Variants in FOXJ3 observed in about 807,000 individuals in gnomAD.
The protein encoded by FOXJ3 is forkhead box protein J3.
FOXJ3 carries 22 observed loss-of-function variants against 76.1 expected under a neutral mutation model. That is an observed-to-expected ratio of 0.29 (90% CI 0.21 to 0.41). FOXJ3 has a LOEUF of 0.41. Among genes scored for constraint, FOXJ3 ranks in the 10% least tolerant of loss-of-function variants. FOXJ3 has a pLI of 1.00. For missense variants in FOXJ3, 613 were observed against 762.1 expected, an observed-to-expected ratio of 0.80 and a Z score of 2.30; for synonymous variants, 269 against 261.2, an observed-to-expected ratio of 1.03 and a Z score of -0.29.
rs971957986 is a variant in FOXJ3, at chr1:42,300,879, T to C, written c.44+10171A>G. On this transcript the variant is annotated intron_variant, in intron 2 of 12. Transcript: ENST00000361346. ...ACTTGCAGGGTTTCTGCTGAGAAGT[T>C]TGGTGTTAGTTTGATGGGATTTCCC... 2.2e-4 allele frequency among the ~76,000 whole-genome samples: 34 copies of C among 152,214 alleles called. 1 individual carries two copies. Among genetic ancestry groups the C allele is most frequent in the Admixed American group, 5.2e-4 (8 of 15,290 alleles).
chr1:42,193,951 C>T (rs147671870), intron 8 of FOXJ3, among the ~76,000 whole-genome samples: 5 of 152,302 alleles, frequency 3.3e-5, no homozygotes, highest in East Asian at 3.9e-4. Context: ...GAGGACACAG[C>T]GTTCAGCTCC....
At position 42,233,893 on chromosome 1, in the gene FOXJ3, C is replaced by T. The variant is rs1648360517; in HGVS notation, c.445-5927G>A. Among the ~76,000 whole-genome samples, 6 of 151,084 alleles carry T rather than the reference C, an allele frequency of 4.0e-5. No individual in the cohort carries two copies. In the South Asian group the frequency reaches 1.3e-3, roughly 32 times the overall value. On this transcript the variant is annotated intron_variant, in intron 4 of 12. Transcript: ENST00000361346. ...GTGCCAGTTTTCAAAGGGAATGCTT[C>T]CAGTTTTTGCCCATTCAGTATGATA... is the stretch of plus-strand genomic sequence containing the variant.
chr1:42,309,231 G>A (rs1195462596), intron 2 of FOXJ3, among the ~76,000 whole-genome samples: 1 of 152,006 alleles, frequency 6.6e-6, no homozygotes, highest in South Asian at 2.1e-4. Flanking sequence ...CTCCAAAGCT[G>A]GGCAATTGTA....
chr1:42,182,297 TC>T (rs1646340497), intron 11 of FOXJ3, among the ~76,000 whole-genome samples: 1 of 152,320 alleles, frequency 6.6e-6, no homozygotes, highest in East Asian at 1.9e-4. Flanking sequence ...ATTGTTGCTA[TC>T]ACATACCTCA....
Position 42,221,971 on chromosome 1 carries a change from AAGGGGGAGGGGG to A in FOXJ3, c.528+5900_528+5911del, listed in dbSNP as rs1231009588. Among the ~76,000 whole-genome samples, 4 of 23,042 alleles carry A rather than the reference AAGGGGGAGGGGG, an allele frequency of 1.7e-4. 2 individuals are homozygous for A. Among genetic ancestry groups the A allele is most frequent in the African/African-American group, 6.1e-4 (4 of 6,540 alleles). 15.1% of individuals were successfully genotyped at this position (23,042 alleles called of 152,430 possible). A position where few individuals can be genotyped will look rare whatever the true frequency, so the allele number is the denominator to read the frequency against. ...CTATTAAAAAAAAAAAAAAAAGAAG[AAGGGGGAGGGGG>A]AGGGGGAGGGGGAGGGGGAGGAGGA... On this transcript the variant is annotated intron_variant, in intron 5 of 12. Transcript: ENST00000361346.
chr1:42,255,749 G>A (rs1252332217), intron 4 of FOXJ3, among the ~76,000 whole-genome samples: 1 of 152,224 alleles, frequency 6.6e-6, no homozygotes, highest in Non-Finnish European at 1.5e-5. Flanking sequence ...AGTGCCGGAT[G>A]TGGTGGCTCA....
At chr1:42,236,444 C>G (rs1487978867) in intron 4 of FOXJ3, among the ~76,000 whole-genome samples, 1 of 152,222 alleles carries the variant, frequency 6.6e-6, no homozygotes, top group Admixed American at 6.5e-5. Flanking sequence ...TATCTTCCCA[C>G]CTAGGCATCC....
At chr1:42,241,772 G>A (rs919361560) in intron 4 of FOXJ3, among the ~76,000 whole-genome samples, 5 of 152,168 alleles carry the variant, frequency 3.3e-5, no homozygotes, top group African/African-American at 1.2e-4. Context: ...ACAGCCCACT[G>A]CTGCCACTGT....
At position 42,294,762 on chromosome 1, in the gene FOXJ3, C is replaced by CAAAAAAAAAAAAAAAAAAAAA. The variant is rs5773766; in HGVS notation, c.45-16091_45-16090insTTTTTTTTTTTTTTTTTTTTT. On this transcript the variant is annotated intron_variant, in intron 2 of 12. Coordinates refer to ENST00000361346, the MANE Select transcript of FOXJ3 (RefSeq NM_014947.5). ...GGGCAACAAGAGCGAAACTTGGTCTCAAAAAAAAAAAAAAAAGACGCCATG... is the reference window on the plus strand; with the variant it reads ...GGGCAACAAGAGCGAAACTTGGTCTCAAAAAAAAAAAAAAAAAAAAAAAAAAAAAAAAAAAAAGACGCCATG... Among the ~76,000 whole-genome samples the CAAAAAAAAAAAAAAAAAAAAA allele has an allele frequency of 2.0e-4, 21 of 105,670 alleles. 1 individual carries two copies. The highest frequency in any genetic ancestry group is 8.0e-4 in the African/African-American group (21 of 26,352). The allele number at this position is 105,670 out of a possible 152,430, so 69.3% of individuals were successfully genotyped here. A position where few individuals can be genotyped will look rare whatever the true frequency, so the allele number is the denominator to read the frequency against.
chr1:42,188,598 TTTCA>T (rs1646482896), intron 11 of FOXJ3, 135 bp downstream of exon 11: 4 of 478,476 alleles, frequency 8.4e-6, no homozygotes, highest in African/African-American at 7.9e-5. Flanking sequence ...AATTATTTGC[TTTCA>T]TTCATTTCTT....
At chr1:42,237,449 TACAC>T in intron 4 of FOXJ3, among the ~76,000 whole-genome samples, 1 of 146,896 alleles carries the variant, frequency 6.8e-6, no homozygotes, top group Middle Eastern at 3.6e-3. Context: ...TATATATATA[TACAC>T]ATACATACAT....
intron 6 of FOXJ3, among the ~76,000 whole-genome samples, chr1:42,203,846 A>C (rs947040825): frequency 6.6e-6 from 1 of 151,904 alleles, no homozygotes; most frequent in Non-Finnish European, 1.5e-5. Flanking sequence ...AAACACAAAA[A>C]TTAGCCAGGC....
intron 5 of FOXJ3, among the ~76,000 whole-genome samples, chr1:42,223,017 T>C (rs1367389705): frequency 1.3e-5 from 2 of 152,216 alleles, no homozygotes; most frequent in African/African-American, 2.4e-5. Flanking sequence ...TTTCTTAAAA[T>C]ACCTTCTATA....
intron 2 of FOXJ3, among the ~76,000 whole-genome samples, chr1:42,290,450 T>C (rs902070995): frequency 1.3e-5 from 2 of 152,088 alleles, no homozygotes; most frequent in African/African-American, 4.8e-5. Flanking sequence ...AGTGAAAAAA[T>C]GTGAAGATAA....
At chr1:42,327,932 T>G (rs907093629) in intron 1 of FOXJ3, among the ~76,000 whole-genome samples, 1 of 152,202 alleles carries the variant, frequency 6.6e-6, no homozygotes, top group African/African-American at 2.4e-5. Context: ...CTCTATGGAA[T>G]CCACAGACTC....
chr1:42,195,418 T>C (rs748150627), intron 7 of FOXJ3, among the ~76,000 whole-genome samples: 1 of 152,228 alleles, frequency 6.6e-6, no homozygotes, highest in Non-Finnish European at 1.5e-5. Context: ...AGGTATTTTA[T>C]CTCAAACTCC....
intron 2 of FOXJ3, among the ~76,000 whole-genome samples, chr1:42,306,298 CTTTTTTTTTTT>C (rs9326121): frequency 2.4e-5 from 2 of 81,692 alleles, no homozygotes; most frequent in Non-Finnish European, 4.6e-5. Flanking sequence ...GAACTTTTTT[CTTTTTTTTTTT>C]TTTTTTTTTT....
intron 2 of FOXJ3, among the ~76,000 whole-genome samples, chr1:42,305,923 C>A (rs920037029): frequency 3.9e-5 from 6 of 152,146 alleles, no homozygotes; most frequent in African/African-American, 1.4e-4. Context: ...ACCCCACTTA[C>A]GGATGTGATT....
At chr1:42,204,389 AG>A (rs879349967) in intron 6 of FOXJ3, among the ~76,000 whole-genome samples, 3 of 152,260 alleles carry the variant, frequency 2.0e-5, no homozygotes, top group Admixed American at 2.0e-4. Flanking sequence ...ATCTGGATGC[AG>A]AAAACCAAAA....
Sources: gnomAD v4.1 joint callset for allele counts (sites outside exome capture counted in the v4.1 genomes callset) on GRCh38, gnomAD v4.1.1 for gene constraint, MANE v1.5 for transcripts, NCBI Gene and HGNC (gene_info 2026-07-23, HGNC 2026-07-21) for gene names.